Variants in BICC1 observed in about 807,000 individuals in gnomAD.
BICC1 encodes protein bicaudal C homolog 1.
A neutral mutation model predicts 111.0 loss-of-function variants in BICC1; 43 were observed. That is an observed-to-expected ratio of 0.39 (90% confidence interval 0.30 to 0.50). The LOEUF (loss-of-function observed/expected upper bound fraction) is 0.50, where lower values mean the gene tolerates loss of function less well. BICC1 is among the 20% of genes least tolerant of loss of function. The pLI is 0.88. For synonymous variants in BICC1, 467 were observed against 434.4 expected, an observed-to-expected ratio of 1.07 and a Z score of -0.93; for missense variants, 1,091 against 1,203.2, an observed-to-expected ratio of 0.91 and a Z score of 1.38.
At chr10:58,664,280 G>A (rs181658781) in intron 2 of BICC1, among the ~76,000 whole-genome samples, 1 of 152,208 alleles carries the variant, frequency 6.6e-6, no homozygotes, top group African/African-American at 2.4e-5. Flanking sequence ...AGTAGTTTCT[G>A]ATTGTGGACT....
At chr10:58,606,513 G>A (rs1394379013) in intron 1 of BICC1, among the ~76,000 whole-genome samples, 3 of 151,960 alleles carry the variant, frequency 2.0e-5, no homozygotes, top group Admixed American at 6.5e-5. Context: ...GTATACATGT[G>A]TAACTAACCT....
chr10:58,738,980 T>G (rs1338085017), intron 3 of BICC1, among the ~76,000 whole-genome samples: 2 of 152,126 alleles, frequency 1.3e-5, no homozygotes, highest in African/African-American at 4.8e-5. Context: ...TAAGGAGATT[T>G]GGGGCTGAGA....
At chr10:58,769,945 G>A (rs1014936152) in intron 3 of BICC1, among the ~76,000 whole-genome samples, 6 of 152,096 alleles carry the variant, frequency 3.9e-5, no homozygotes, top group South Asian at 2.1e-4. Flanking sequence ...AAGCGTAAAA[G>A]TAGTGCTACA....
intron 2 of BICC1, among the ~76,000 whole-genome samples, chr10:58,632,502 G>A (rs922583700): frequency 1.3e-5 from 2 of 152,026 alleles, no homozygotes; most frequent in African/African-American, 2.4e-5. Context: ...AACGGAGGGA[G>A]TGATTTTTTT....
At chr10:58,789,561 T>A in intron 7 of BICC1, 105 bp downstream of exon 7, 2 of 1,511,524 alleles carry the variant, frequency 1.3e-6, no homozygotes, top group Non-Finnish European at 1.8e-6. Context: ...TCCTTCGTTC[T>A]ACATTTTGGT....
chr10:58,761,685 T>C (rs777015883), intron 3 of BICC1, among the ~76,000 whole-genome samples: 19 of 151,838 alleles, frequency 1.3e-4, no homozygotes, highest in Non-Finnish European at 2.1e-4. Flanking sequence ...GAGGAAAAAA[T>C]AAAAATAAAT....
intron 3 of BICC1, among the ~76,000 whole-genome samples, chr10:58,713,413 G>A (rs1257426098): frequency 1.3e-5 from 2 of 152,138 alleles, no homozygotes; most frequent in African/African-American, 4.8e-5. Flanking sequence ...TTTTGTAATA[G>A]GCATTATAAT....
intron 3 of BICC1, among the ~76,000 whole-genome samples, chr10:58,738,090 T>G (rs1319517548): frequency 2.6e-5 from 4 of 152,208 alleles, no homozygotes; most frequent in Admixed American, 1.3e-4. Flanking sequence ...CTCTTTAGTT[T>G]AATTAGATCC....
intron 1 of BICC1, among the ~76,000 whole-genome samples, chr10:58,594,760 A>G (rs1844756051): frequency 6.6e-6 from 1 of 152,256 alleles, no homozygotes; most frequent in Non-Finnish European, 1.5e-5. Flanking sequence ...GGTACCAGCC[A>G]CTGCAAAAAC....
intron 3 of BICC1, among the ~76,000 whole-genome samples, chr10:58,751,274 A>G (rs1385896902): frequency 6.6e-6 from 1 of 152,152 alleles, no homozygotes; most frequent in Non-Finnish European, 1.5e-5. Flanking sequence ...CTATACTACT[A>G]AAGTGATTCT....
In BICC1 at chr10:58,763,937, A is replaced by C. The variant is rs191223118; in HGVS notation, c.308-21064A>C. ...TAAAGCCAAAGGGATCACTTCTAAGAGCAGAGGCAGAGAAGACAGGAAACT... is the reference window on the plus strand; with the variant it reads ...TAAAGCCAAAGGGATCACTTCTAAGCGCAGAGGCAGAGAAGACAGGAAACT... On this transcript the variant is annotated intron_variant, in intron 3 of 20. Transcript: ENST00000373886. 5.3e-5 allele frequency among the ~76,000 whole-genome samples: 8 copies of C among 151,384 alleles called. No homozygotes were observed. In the East Asian group the frequency reaches 1.5e-3, roughly 29 times the overall value.
chr10:58,758,807 C>G, intron 3 of BICC1, among the ~76,000 whole-genome samples: 1 of 152,024 alleles, frequency 6.6e-6, no homozygotes, highest in Admixed American at 6.6e-5. Context: ...TCTGTAAAGT[C>G]TGATCAGAAA....
intron 20 of BICC1, among the ~76,000 whole-genome samples, chr10:58,823,003 A>G (rs1036277669): frequency 2.6e-5 from 4 of 152,016 alleles, no homozygotes; most frequent in Admixed American, 6.6e-5. Flanking sequence ...TTATAGCAGT[A>G]GATGAAATTT....
intron 2 of BICC1, among the ~76,000 whole-genome samples, chr10:58,652,132 C>T (rs1021653613): frequency 6.6e-6 from 1 of 152,054 alleles, no homozygotes; most frequent in Non-Finnish European, 1.5e-5. Context: ...GGTCATTTTA[C>T]CTTTTTTTAA....
intron 15 of BICC1, among the ~76,000 whole-genome samples, chr10:58,805,361 G>T (rs1366043989): frequency 6.6e-6 from 1 of 151,928 alleles, no homozygotes; most frequent in Non-Finnish European, 1.5e-5. Context: ...TTGATTAGTT[G>T]TTGTATTCTT....
At chr10:58,825,244 G>A (rs1477160413) in intron 20 of BICC1, among the ~76,000 whole-genome samples, 1 of 152,116 alleles carries the variant, frequency 6.6e-6, no homozygotes, top group Non-Finnish European at 1.5e-5. Context: ...GGGGGCTGTG[G>A]CTTAATACAG....
chr10:58,733,337 C>T (rs1252377864), intron 3 of BICC1, among the ~76,000 whole-genome samples: 1 of 152,220 alleles, frequency 6.6e-6, no homozygotes, highest in Non-Finnish European at 1.5e-5. Flanking sequence ...TTTAACATGT[C>T]CTTTCACTGC....
At chr10:58,727,177 G>A (rs1841133057) in intron 3 of BICC1, among the ~76,000 whole-genome samples, 1 of 152,010 alleles carries the variant, frequency 6.6e-6, no homozygotes, top group Non-Finnish European at 1.5e-5. Context: ...TTTTCTAGGG[G>A]ACAGTAAGAA....
intron 9 of BICC1, 22 bp from the exon 10 acceptor site, chr10:58,796,318 C>T: frequency 6.2e-7 from 1 of 1,600,156 alleles, no homozygotes; most frequent in Non-Finnish European, 8.5e-7. Flanking sequence ...CACCTTTTTT[C>T]CCCCATTATG....
Sources: allele counts gnomAD v4.1 joint callset (sites outside exome capture counted in the v4.1 genomes callset), GRCh38; gene constraint gnomAD v4.1.1; transcripts MANE v1.5; gene names NCBI Gene and HGNC (gene_info 2026-07-23, HGNC 2026-07-21).